C13orf46: variants seen among roughly 807,000 people sequenced by gnomAD.
C13orf46 encodes uncharacterized protein C13orf46.
chr13:113,959,058 C>G (rs2052565895), intron 6 of C13orf46, among the ~76,000 whole-genome samples: 1 of 152,158 alleles, frequency 6.6e-6, no homozygotes, highest in South Asian at 2.1e-4. Flanking sequence ...AGGTGGATCA[C>G]TTGAGCTCAG....
At chr13:113,948,999 C>T (rs953139619), downstream of C13orf46, among the ~76,000 whole-genome samples, 1 of 152,202 alleles carries the variant, frequency 6.6e-6, no homozygotes, top group Non-Finnish European at 1.5e-5. Context: ...GCCAGAGGAA[C>T]CAACCATGTA....
At chr13:113,929,656 C>T in the C13orf46 span, among the ~76,000 whole-genome samples, 2 of 152,218 alleles carry the variant, frequency 1.3e-5, no homozygotes, top group Non-Finnish European at 2.9e-5. Flanking sequence ...GAGTGACTGC[C>T]TGTTATCACT....
the C13orf46 span, among the ~76,000 whole-genome samples, chr13:113,930,285 C>T: frequency 1.3e-5 from 2 of 149,030 alleles, no homozygotes; most frequent in East Asian, 1.9e-4. Context: ...GCACAAGAAA[C>T]GCAAAGGCAC....
the C13orf46 span, among the ~76,000 whole-genome samples, chr13:113,935,059 C>T: frequency 6.6e-6 from 1 of 152,240 alleles, no homozygotes; most frequent in East Asian, 1.9e-4. Context: ...CCTCCCTCTT[C>T]TGGGCAAGTT....
intron 6 of C13orf46, among the ~76,000 whole-genome samples, chr13:113,958,444 G>GC (rs1185499764): frequency 6.6e-6 from 1 of 152,194 alleles, no homozygotes; most frequent in Non-Finnish European, 1.5e-5. Flanking sequence ...CCCACCTGGA[G>GC]CCACTATGTT....
downstream of C13orf46, among the ~76,000 whole-genome samples, chr13:113,951,110 G>A (rs1487530179): frequency 2.6e-5 from 4 of 152,236 alleles, no homozygotes; most frequent in African/African-American, 9.6e-5. Context: ...TGTGGTCCTG[G>A]TGTGGGGAGG....
chr13:113,973,652 C>T (rs1435027028), intron 1 of C13orf46, among the ~76,000 whole-genome samples, 156 bp downstream of exon 1: 5 of 152,224 alleles, frequency 3.3e-5, no homozygotes, highest in South Asian at 2.1e-4. Context: ...GGACACACGT[C>T]GTTGGACCTC....
the C13orf46 span, among the ~76,000 whole-genome samples, chr13:113,932,811 A>C: frequency 5.3e-3 from 807 of 152,214 alleles, 6 homozygotes; most frequent in African/African-American, 0.018. Flanking sequence ...ATTTTATCTT[A>C]TCTTCTTCTT....
the C13orf46 span, among the ~76,000 whole-genome samples, chr13:113,942,822 C>T: frequency 6.6e-6 from 1 of 152,236 alleles, no homozygotes; most frequent in Non-Finnish European, 1.5e-5. Flanking sequence ...GGATGGGACA[C>T]AGGTCCTCTG....
At chr13:113,946,903 G>A in the C13orf46 span, among the ~76,000 whole-genome samples, 2 of 152,252 alleles carry the variant, frequency 1.3e-5, no homozygotes, top group African/African-American at 4.8e-5. Context: ...CCCCACAGCG[G>A]CGATAGGAGA....
the C13orf46 span, among the ~76,000 whole-genome samples, chr13:113,930,991 C>G: frequency 1.3e-5 from 2 of 152,186 alleles, no homozygotes; most frequent in Admixed American, 1.3e-4. Context: ...GAGAGGGAGC[C>G]GGCTGGGGTG....
intron 6 of C13orf46, among the ~76,000 whole-genome samples, chr13:113,958,837 C>T (rs2052563865): frequency 6.6e-6 from 1 of 152,224 alleles, no homozygotes; most frequent in South Asian, 2.1e-4. Context: ...CTCTCTGGCC[C>T]CTGCACAGCT....
chr13:113,961,236 TTTAG>T (rs2052583875), intron 6 of C13orf46, among the ~76,000 whole-genome samples: 1 of 152,166 alleles, frequency 6.6e-6, no homozygotes, highest in African/African-American at 2.4e-5. Flanking sequence ...TAAATCTTCT[TTTAG>T]TTTTAATTGT....
chr13:113,962,714 G>C (rs1479186079), intron 6 of C13orf46, among the ~76,000 whole-genome samples: 1 of 152,150 alleles, frequency 6.6e-6, no homozygotes, highest in African/African-American at 2.4e-5. Context: ...CTGAGTCAAG[G>C]GGGATGGAGG....
chr13:113,945,634 AAG>A, the C13orf46 span, among the ~76,000 whole-genome samples: 2 of 135,748 alleles, frequency 1.5e-5, no homozygotes, highest in African/African-American at 2.7e-5. Flanking sequence ...GAAAGAAAGA[AAG>A]AAAGAAAGAA....
chr13:113,965,894 TGGTGATGATGGC>T, intron 5 of C13orf46, among the ~76,000 whole-genome samples: 1 of 149,720 alleles, frequency 6.7e-6, no homozygotes, highest in South Asian at 2.2e-4. Context: ...GTAATGGTGA[TGGTGATGATGGC>T]GATGGTGATG....
intron 6 of C13orf46, among the ~76,000 whole-genome samples, chr13:113,961,182 T>C (rs1055537704): frequency 2.6e-5 from 4 of 152,184 alleles, no homozygotes; most frequent in African/African-American, 4.8e-5. Context: ...ACAATTACAT[T>C]TGGTAAAACT....
the C13orf46 span, among the ~76,000 whole-genome samples, chr13:113,930,343 G>GAGGAGCACCGAGGTGGGGGCGC: frequency 2.0e-5 from 3 of 151,666 alleles, no homozygotes; most frequent in South Asian, 2.1e-4. Context: ...GGTGGGAGTG[G>GAGGAGCACCGAGGTGGGGGCGC]AGGAGCACCG....
chr13:113,973,219 C>T (rs553370776), intron 1 of C13orf46, among the ~76,000 whole-genome samples: 2 of 152,336 alleles, frequency 1.3e-5, no homozygotes, highest in South Asian at 2.1e-4. Context: ...CGAGGAAATT[C>T]CTTGTGAGCC....
Sources: allele counts gnomAD v4.1 joint callset (sites outside exome capture counted in the v4.1 genomes callset), GRCh38; gene constraint gnomAD v4.1.1; transcripts MANE v1.5; gene names NCBI Gene and HGNC (gene_info 2026-07-23, HGNC 2026-07-21).